The following CCDC15 variants were observed in gnomAD, a reference collection of about 807,000 sequenced individuals.
The protein encoded by CCDC15 is coiled-coil domain containing 15, also known as coiled-coil domain-containing protein 15.
Under a neutral mutation model 114.5 loss-of-function variants are expected in CCDC15, and 105 were observed. That is an observed-to-expected ratio of 0.92 (90% CI 0.78 to 1.08). CCDC15 has a LOEUF of 1.08. Among genes scored for constraint, CCDC15 ranks in the 50% least tolerant of loss-of-function variants. The pLI, the probability that CCDC15 is intolerant of heterozygous loss-of-function variation, is 0.00. For missense variants in CCDC15, 1,105 were observed against 1,093.6 expected (o/e 1.01, Z -0.15); for synonymous variants, 334 against 377.8 (o/e 0.88, Z 1.34).
intron 4 of CCDC15, among the ~76,000 whole-genome samples, chr11:124,973,436 G>A (rs1433522744): frequency 2.7e-5 from 4 of 150,896 alleles, no homozygotes; most frequent in Middle Eastern, 3.4e-3. Context: ...TGGCCACTCC[G>A]CAGCTGACCA....
intron 14 of CCDC15, 117 bp from the exon 15 acceptor site, chr11:125,038,804 T>C: frequency 7.7e-7 from 1 of 1,301,242 alleles, no homozygotes; most frequent in Non-Finnish European, 1.1e-6. Context: ...AAAGAGGAAA[T>C]GTCAAGGCCC....
rs962546414 is a variant in CCDC15, at chr11:124,991,543, T to G, written c.1991T>G (p.Leu664Trp). The change falls in exon 9 of 16, where the codon TTG (leucine) becomes TGG (tryptophan). Residue 664 changes from leucine to tryptophan, a missense_variant. Leu to Trp is a moderately conservative substitution (Grantham distance 61). Coordinates refer to ENST00000344762, the MANE Select transcript of CCDC15 (RefSeq NM_025004.3). ...TTTTCTCTGGCAGACTATCAGTGTT[T>G]GCCTCCCAAATCCCAGGACCAGGAT... ...EDFSLADYQCLPPKSQDQDDI... is the reference protein window; with the variant it reads ...EDFSLADYQCWPPKSQDQDDI... The G allele has an allele frequency of 5.0e-6, 8 of 1,610,224 alleles. No individual in the cohort carries two copies. Among genetic ancestry groups the G allele is most frequent in the Non-Finnish European group, 6.8e-6 (8 of 1,177,548 alleles).
intron 4 of CCDC15, among the ~76,000 whole-genome samples, chr11:124,969,248 C>T (rs1947838789): frequency 6.6e-6 from 1 of 152,098 alleles, no homozygotes; most frequent in South Asian, 2.1e-4. Flanking sequence ...CTTGGTATTA[C>T]CTACTTGTTC....
intron 4 of CCDC15, among the ~76,000 whole-genome samples, chr11:124,963,674 C>T (rs1265341939): frequency 6.6e-6 from 1 of 152,088 alleles, no homozygotes; most frequent in African/African-American, 2.4e-5. Context: ...ATTTTGGCTT[C>T]TGTTGCCATT....
intron 13 of CCDC15, among the ~76,000 whole-genome samples, chr11:125,035,504 G>A (rs182081322): frequency 1.3e-5 from 2 of 151,252 alleles, no homozygotes; most frequent in South Asian, 2.1e-4. Context: ...GCAAGGAATT[G>A]TTGGATCTTA....
At chr11:125,027,471 G>A (rs1196265186) in intron 13 of CCDC15, among the ~76,000 whole-genome samples, 1 of 151,982 alleles carries the variant, frequency 6.6e-6, no homozygotes, top group Non-Finnish European at 1.5e-5. Context: ...GTTTTAATAT[G>A]CATTTCCCTG....
At chr11:125,005,077 G>T (rs1489765842) in intron 12 of CCDC15, 32 bp from the exon 13 acceptor site, 11 of 981,994 alleles carry the variant, frequency 1.1e-5, no homozygotes, top group Non-Finnish European at 1.6e-5. Flanking sequence ...TCTGAAAGCA[G>T]AATCTTAGTA....
At chr11:125,018,752 T>G (rs1948644359) in intron 13 of CCDC15, among the ~76,000 whole-genome samples, 1 of 152,082 alleles carries the variant, frequency 6.6e-6, no homozygotes, top group African/African-American at 2.4e-5. Flanking sequence ...TAGCTGCTGC[T>G]TATCATGAGA....
chr11:124,977,570 T>TG lies in CCDC15; in HGVS notation c.724dup (p.Val242GlyfsTer13). On this transcript the variant is annotated frameshift_variant, in exon 6 of 16. Coordinates refer to ENST00000344762, the MANE Select transcript of CCDC15 (RefSeq NM_025004.3). LOFTEE classifies it high-confidence loss of function. The stretch of plus-strand genomic sequence containing the variant: ...AGGTCCATCAAGGTCTTTTAGCTGC[T>TG]GTACCTTACCAGAATTATATGGAAA... The TG allele has an allele frequency of 6.2e-7, 1 of 1,609,012 alleles. No homozygotes were observed. The highest frequency in any genetic ancestry group is 8.5e-7 in the Non-Finnish European group (1 of 1,177,504).
At chr11:125,025,794 T>G (rs1056419864) in intron 13 of CCDC15, among the ~76,000 whole-genome samples, 1 of 152,080 alleles carries the variant, frequency 6.6e-6, no homozygotes, top group Admixed American at 6.6e-5. Flanking sequence ...ATATGTAGAG[T>G]CTCTGATGGT....
chr11:124,971,388 A>G (rs1394993464), intron 4 of CCDC15, among the ~76,000 whole-genome samples: 2 of 152,218 alleles, frequency 1.3e-5, no homozygotes, highest in Non-Finnish European at 2.9e-5. Context: ...AAAGGGTCAC[A>G]GCTCCTCGCC....
chr11:124,972,063 A>G (rs879590190), intron 4 of CCDC15, among the ~76,000 whole-genome samples: 1 of 152,186 alleles, frequency 6.6e-6, no homozygotes, highest in Non-Finnish European at 1.5e-5. Context: ...TGAGTAAACT[A>G]TGATTATGTT....
chr11:125,037,094 G>A (rs1948780435), intron 13 of CCDC15, among the ~76,000 whole-genome samples: 2 of 152,100 alleles, frequency 1.3e-5, no homozygotes, highest in Admixed American at 6.5e-5. Context: ...TCTTTGGTTA[G>A]ATGCCCAACG....
intron 8 of CCDC15, among the ~76,000 whole-genome samples, chr11:124,990,823 A>G (rs890626283): frequency 3.9e-5 from 6 of 152,218 alleles, no homozygotes; most frequent in Admixed American, 6.5e-5. Flanking sequence ...GGAGTGGTCC[A>G]TAAGTACTCA....
chr11:124,969,094 A>T (rs1204963282), intron 4 of CCDC15, among the ~76,000 whole-genome samples: 1 of 152,124 alleles, frequency 6.6e-6, no homozygotes, highest in Non-Finnish European at 1.5e-5. Context: ...CTAATGCCTT[A>T]TTGATTTCTT....
Position 125,039,004 on chromosome 11 carries a change from C to G in CCDC15, c.2669C>G (p.Pro890Arg), listed in dbSNP as rs1948797008. The G allele has an allele frequency of 6.2e-7, 1 of 1,611,534 alleles. No individual in the cohort carries two copies. Among genetic ancestry groups the G allele is most frequent in the African/African-American group, 1.3e-5 (1 of 74,878 alleles). ...ITLPPLCCCG[P>R]DFWDAHPDTC... ...TTACCTCCACTATGCTGTTGTGGTC[C>G]TGATTTTTGGGATGCTCATCCTGAT... The change falls in exon 15 of 16, where the codon CCT becomes CGT. Residue 890 changes from proline (P) to arginine (R), a missense_variant. Physicochemically the swap from Pro to Arg is moderately radical, Grantham distance 103. Transcript: ENST00000344762.
intron 2 of CCDC15, among the ~76,000 whole-genome samples, chr11:124,957,075 TA>T (rs1412889879): frequency 6.6e-6 from 1 of 152,216 alleles, no homozygotes; most frequent in Non-Finnish European, 1.5e-5. Context: ...TTGTTCTGGT[TA>T]CCTTTTGCTG....
rs200759529 is a variant in CCDC15, at chr11:124,954,752, G to T, written c.20G>T (p.Arg7Leu). ...TCACAGATGCTGGGAAGTATGGCCC[G>T]AAAGAAACCTCGAAATACCTCAAGG... Reference protein sequence around the residue: MLGSMARKKPRNTSRLP... With the variant: MLGSMALKKPRNTSRLP... Residue 7 changes from arginine to leucine, a missense_variant, in exon 2 of 16, where the codon CGA (arginine) becomes CTA (leucine). Transcript: ENST00000344762. 1 of 1,613,804 alleles carries T rather than the reference G, an allele frequency of 6.2e-7. No homozygotes were observed. The highest frequency in any genetic ancestry group is 8.5e-7 in the Non-Finnish European group (1 of 1,179,798).
chr11:125,038,373 G>C, intron 13 of CCDC15, 58 bp from the exon 14 acceptor site: 3 of 1,134,240 alleles, frequency 2.6e-6, no homozygotes, highest in Admixed American at 7.1e-5. Flanking sequence ...GGATAAAGAA[G>C]CTAATTTTAA....
Sources: gnomAD v4.1 joint callset for allele counts (sites outside exome capture counted in the v4.1 genomes callset) on GRCh38, gnomAD v4.1.1 for gene constraint, MANE v1.5 for transcripts, NCBI Gene and HGNC (gene_info 2026-07-23, HGNC 2026-07-21) for gene names.